Variants in RTN4 observed in about 807,000 individuals in gnomAD.
RTN4 encodes the protein reticulon 4.
A neutral mutation model predicts 90.4 loss-of-function variants in RTN4; 32 were observed. The ratio of observed to expected loss-of-function variants is 0.35; its 90% CI spans 0.27 to 0.48. The LOEUF is 0.48. Ranked by LOEUF, RTN4 falls within the 20% of genes least tolerant of loss-of-function variation. The pLI is 0.99. For missense variants in RTN4, 1,706 were observed against 1,430.2 expected, an observed-to-expected ratio of 1.19 and a Z score of -3.11; for synonymous variants, 629 against 552.5, an observed-to-expected ratio of 1.14 and a Z score of -1.94.
intron 1 of RTN4, among the ~76,000 whole-genome samples, chr2:55,100,216 G>A: frequency 6.6e-6 from 1 of 152,062 alleles, no homozygotes; most frequent in Non-Finnish European, 1.5e-5. Context: ...CAGAAGCCTG[G>A]CTAGGAGTGA....
intron 1 of RTN4, among the ~76,000 whole-genome samples, chr2:55,104,405 T>G (rs1164237496): frequency 6.6e-6 from 1 of 151,850 alleles, no homozygotes; most frequent in East Asian, 1.9e-4. Flanking sequence ...CAGGCTGGAG[T>G]GCAGCGTTGC....
chr2:55,018,391 G>T (rs1410670170), intron 3 of RTN4, among the ~76,000 whole-genome samples: 1 of 152,198 alleles, frequency 6.6e-6, no homozygotes, highest in Non-Finnish European at 1.5e-5. Flanking sequence ...CCATTAGTCA[G>T]TGGGAGAAGG....
chr2:54,987,464 G>A (rs1209475109), intron 4 of RTN4, 27 bp downstream of exon 4: 2 of 1,473,392 alleles, frequency 1.4e-6, no homozygotes, highest in Admixed American at 1.7e-5. Flanking sequence ...TATTGCCAAT[G>A]CATGCCTTGT....
chr2:55,086,864 T>TTCTCAGAATGG (rs1668851979), intron 1 of RTN4, among the ~76,000 whole-genome samples: 1 of 151,530 alleles, frequency 6.6e-6, no homozygotes, highest in Non-Finnish European at 1.5e-5. Context: ...CTCACTGTGT[T>TTCTCAGAATGG]TCTCAGAATG....
chr2:55,117,948 G>T, the RTN4 span, among the ~76,000 whole-genome samples: 1 of 152,128 alleles, frequency 6.6e-6, no homozygotes, highest in African/African-American at 2.4e-5. Context: ...GGTTTTATAA[G>T]ATTCCCTTTA....
rs543200732 is a variant in RTN4, at chr2:55,024,518, A to G, written c.3013+568T>C. On this transcript the variant is annotated intron_variant, in intron 3 of 8. Transcript: ENST00000337526. The stretch of plus-strand genomic sequence containing the variant: ...TGCAAATCAGGTATGTGGAAAATGG[A>G]TAGTCAAAAGAAAAAAAGGAGAATC... Among the ~76,000 whole-genome samples, 7 of 152,328 alleles carry G rather than the reference A, an allele frequency of 4.6e-5. No homozygotes were observed. In the South Asian group the frequency reaches 1.4e-3, roughly 32 times the overall value.
chr2:55,000,282 T>G (rs564129239), intron 3 of RTN4, among the ~76,000 whole-genome samples: 1 of 152,290 alleles, frequency 6.6e-6, no homozygotes, highest in East Asian at 1.9e-4. Flanking sequence ...CTCAACCAAA[T>G]ACCTGGCAAG....
intron 1 of RTN4, chr2:55,049,067 G>C: frequency 2.0e-6 from 2 of 980,562 alleles, no homozygotes; most frequent in South Asian, 9.4e-5. Context: ...CTGGGCGGTG[G>C]CAGGACTTTA....
In RTN4 at chr2:54,982,552, C is replaced by T. The variant is rs888288659; in HGVS notation, c.3323G>A (p.Arg1108His). ...HVNCTIKELR[R>H]LFLVDDLVDS... The stretch of plus-strand genomic sequence containing the variant: ...AACTAAATCATCAACTAAGAAGAGG[C>T]GCCTGAGTTCCTTTATCGTGCAGTT... Residue 1108 changes from arginine to histidine, a missense_variant, in exon 5 of 9, where the codon CGC becomes CAC. Coordinates refer to ENST00000337526, the MANE Select transcript of RTN4 (RefSeq NM_020532.5). 2.0e-5 allele frequency: 32 copies of T among 1,612,744 alleles called. No homozygotes were observed. The highest frequency in any genetic ancestry group is 2.4e-5 in the Non-Finnish European group (28 of 1,179,650).
chr2:54,973,253 ACCAT>A, intron 8 of RTN4, 55 bp from the exon 9 acceptor site: 1 of 1,402,572 alleles, frequency 7.1e-7, no homozygotes, highest in African/African-American at 1.4e-5. Context: ...TGCTTAAAAT[ACCAT>A]CTTCCAAGAA....
At chr2:55,046,638 G>C (rs1667752366) in intron 1 of RTN4, among the ~76,000 whole-genome samples, 1 of 152,114 alleles carries the variant, frequency 6.6e-6, no homozygotes, top group Admixed American at 6.6e-5. Context: ...CTCTCCCAAG[G>C]GGGAGCATGT....
chr2:55,093,355 G>A (rs954073431), intron 1 of RTN4, among the ~76,000 whole-genome samples: 4 of 150,224 alleles, frequency 2.7e-5, no homozygotes, highest in African/African-American at 4.9e-5. Context: ...ATAAACATAT[G>A]TGTGTATTTT....
upstream of RTN4, among the ~76,000 whole-genome samples, chr2:55,117,070 C>T (rs2105074088): frequency 6.6e-6 from 1 of 152,182 alleles, no homozygotes; most frequent in Middle Eastern, 3.4e-3. Context: ...GATGGGGTTT[C>T]ATCATGTTGA....
At position 55,027,046 on chromosome 2, in the gene RTN4, A is replaced by G. The variant is rs765743694; in HGVS notation, c.1053T>C (p.Thr351=). The change falls in exon 3 of 9, where the codon ACT becomes ACC. Residue 351 remains threonine (T), a synonymous_variant. Coordinates refer to ENST00000337526, the MANE Select transcript of RTN4 (RefSeq NM_020532.5). ...CAACTTCATCCTCTTTAACCAATTTAGTAAGAGCTGTAGGTAACTCTTGTT... is the reference window on the plus strand; with the variant it reads ...CAACTTCATCCTCTTTAACCAATTTGGTAAGAGCTGTAGGTAACTCTTGTT... ...HNQQELPTAL[T]KLVKEDEVVS... The G allele has an allele frequency of 4.3e-6, 7 of 1,613,606 alleles. No homozygotes were observed. The Admixed American group carries it at 6.7e-5, about 15-fold the overall frequency.
chr2:55,076,785 T>C (rs1479262149), intron 2 of RTN4, among the ~76,000 whole-genome samples: 1 of 152,130 alleles, frequency 6.6e-6, no homozygotes, highest in East Asian at 1.9e-4. Context: ...TGGGGGTGGT[T>C]ACCCCCATGC....
the RTN4 span, among the ~76,000 whole-genome samples, chr2:55,130,001 T>C: frequency 1.3e-5 from 2 of 152,250 alleles, no homozygotes; most frequent in African/African-American, 4.8e-5. Context: ...CTACTTCTAA[T>C]GTCTAACCTT....
chr2:55,002,279 A>C (rs1355034092), intron 3 of RTN4, among the ~76,000 whole-genome samples: 2 of 151,856 alleles, frequency 1.3e-5, no homozygotes, highest in Non-Finnish European at 2.9e-5. Flanking sequence ...GACTGGTCTC[A>C]AACTCCTGGG....
chr2:55,120,067 G>C, the RTN4 span, among the ~76,000 whole-genome samples: 1 of 152,212 alleles, frequency 6.6e-6, no homozygotes, highest in Non-Finnish European at 1.5e-5. Context: ...GCCCAGACTG[G>C]CCCACGGCAC....
intron 2 of RTN4, among the ~76,000 whole-genome samples, chr2:55,064,464 C>A (rs1408921247): frequency 1.3e-5 from 2 of 151,482 alleles, no homozygotes; most frequent in Non-Finnish European, 2.9e-5. Flanking sequence ...AGTTCTCCTG[C>A]CTCAGCCTCC....
Sources: allele counts gnomAD v4.1 joint callset (sites outside exome capture counted in the v4.1 genomes callset), GRCh38; gene constraint gnomAD v4.1.1; transcripts MANE v1.5; gene names NCBI Gene and HGNC (gene_info 2026-07-23, HGNC 2026-07-21).